The following ADGRV1 variants were observed in gnomAD, a reference collection of about 807,000 sequenced individuals.
ADGRV1 encodes adhesion G protein-coupled receptor V1.
Under a neutral mutation model 596.2 loss-of-function variants are expected in ADGRV1, and 359 were observed. The ratio of observed to expected loss-of-function variants is 0.60; its 90% CI spans 0.55 to 0.66. ADGRV1 has a LOEUF of 0.66. ADGRV1 is among the 30% of genes least tolerant of loss of function. The pLI is 0.00. For synonymous variants in ADGRV1, 2,681 were observed against 2,679.2 expected (o/e 1.00, Z -0.02); for missense variants, 7,274 against 7,575.6 (o/e 0.96, Z 1.48).
intron 58 of ADGRV1, chr5:90,759,810 C>T (rs964791508): frequency 2.1e-6 from 1 of 468,438 alleles, no homozygotes; most frequent in South Asian, 2.1e-5. Flanking sequence ...ACTGAAAGTA[C>T]AAAAATTAGC....
chr5:90,611,708 T>A (rs1762748237), intron 1 of ADGRV1, among the ~76,000 whole-genome samples: 1 of 152,002 alleles, frequency 6.6e-6, no homozygotes, highest in Non-Finnish European at 1.5e-5. Context: ...TGAAAAAATT[T>A]TGTTAAATCT....
At chr5:90,752,873 C>T (rs1047364468) in intron 53 of ADGRV1, among the ~76,000 whole-genome samples, 4 of 152,098 alleles carry the variant, frequency 2.6e-5, no homozygotes, top group Admixed American at 2.0e-4. Context: ...GGTGGAAAAA[C>T]GAATGTCAGC....
intron 83 of ADGRV1, among the ~76,000 whole-genome samples, chr5:90,963,537 A>G (rs1055621261): frequency 6.6e-6 from 1 of 151,992 alleles, no homozygotes; most frequent in East Asian, 1.9e-4. Flanking sequence ...ATAAATTTCT[A>G]TTTTCTGCTT....
chr5:90,824,048 T>G (rs960911167), intron 76 of ADGRV1, among the ~76,000 whole-genome samples: 5 of 152,220 alleles, frequency 3.3e-5, no homozygotes, highest in African/African-American at 1.2e-4. Context: ...ATTAATAAAA[T>G]ATTAAGTATA....
intron 1 of ADGRV1, among the ~76,000 whole-genome samples, chr5:90,596,663 G>A (rs1044213494): frequency 6.6e-5 from 10 of 152,126 alleles, no homozygotes; most frequent in South Asian, 2.1e-4. Flanking sequence ...GGCGGCGCGC[G>A]CCTGCAATTG....
chr5:90,561,304 T>G (rs546842279), intron 1 of ADGRV1, among the ~76,000 whole-genome samples: 1 of 152,272 alleles, frequency 6.6e-6, no homozygotes, highest in Non-Finnish European at 1.5e-5. Flanking sequence ...GGAGCCAAAC[T>G]AAACCAACCT....
chr5:91,102,958 A>G (rs557080612), intron 87 of ADGRV1, among the ~76,000 whole-genome samples: 44 of 152,370 alleles, frequency 2.9e-4, no homozygotes, highest in African/African-American at 1.0e-3. Context: ...AATGGAACAA[A>G]TGAACACATT....
intron 83 of ADGRV1, among the ~76,000 whole-genome samples, chr5:90,930,379 C>A (rs988456153): frequency 6.6e-6 from 1 of 152,074 alleles, no homozygotes; most frequent in African/African-American, 2.4e-5. Context: ...AAAAAAAATA[C>A]GTATTTTTAT....
intron 85 of ADGRV1, among the ~76,000 whole-genome samples, chr5:91,067,163 A>G (rs572524720): frequency 1.4e-5 from 1 of 69,138 alleles, no homozygotes; most frequent in Admixed American, 1.7e-4. Context: ...TTTTTTTTTG[A>G]GACGGAGTCT....
In ADGRV1 at chr5:91,153,410, C is replaced by T. The variant is rs760572246; in HGVS notation, c.18802+12C>T. On this transcript the variant is annotated intron_variant, in intron 89 of 89. Coordinates refer to ENST00000405460, the MANE Select transcript of ADGRV1 (RefSeq NM_032119.4). ...TGCATTAAAAACTGGTATGTATGAA[C>T]CCATGAACGACATTAGAAGTAGGCA... The T allele has an allele frequency of 5.1e-6, 8 of 1,556,490 alleles. No individual in the cohort carries two copies. The South Asian group carries it at 8.5e-5, about 16-fold the overall frequency.
rs770972847 is a variant in ADGRV1, at chr5:90,791,020, G to A, written c.14191G>A (p.Val4731Met). 1 of 1,613,874 alleles carries A rather than the reference G, an allele frequency of 6.2e-7. No homozygotes were observed. The highest frequency in any genetic ancestry group is 8.5e-7 in the Non-Finnish European group (1 of 1,179,852). The change falls in exon 70 of 90, where the codon GTG becomes ATG. Residue 4731 changes from valine (V) to methionine (M), a missense_variant. Coordinates refer to ENST00000405460, the MANE Select transcript of ADGRV1 (RefSeq NM_032119.4). ...DEVPEIEEDY[V>M]IQLVSVEGGA... ...GGTACCTGAGATAGAGGAAGATTAT[G>A]TGATCCAGCTTGTTTCTGTAGAGGG... is the stretch of plus-strand genomic sequence containing the variant.
chr5:90,833,360 C>T (rs1158776166), intron 77 of ADGRV1, among the ~76,000 whole-genome samples: 1 of 152,114 alleles, frequency 6.6e-6, no homozygotes, highest in Non-Finnish European at 1.5e-5. Context: ...TCATGGCTTA[C>T]TACAGCCTTG....
intron 1 of ADGRV1, among the ~76,000 whole-genome samples, chr5:90,602,107 A>G (rs1010287140): frequency 1.3e-5 from 2 of 152,212 alleles, no homozygotes; most frequent in African/African-American, 4.8e-5. Context: ...CCTGTATTCC[A>G]TTAATTCTTT....
chr5:91,054,102 T>TGTGAGAGAGAGAGA (rs1299621929), intron 85 of ADGRV1, among the ~76,000 whole-genome samples: 13 of 126,738 alleles, frequency 1.0e-4, no homozygotes, highest in African/African-American at 2.5e-4. Context: ...TGTGTGTGTG[T>TGTGAGAGAGAGAGA]GAGAGAGAGA....
At chr5:90,787,922 A>G in intron 67 of ADGRV1, 149 bp from the exon 68 acceptor site, 2 of 550,252 alleles carry the variant, frequency 3.6e-6, no homozygotes, top group East Asian at 6.2e-5. Context: ...AAAAAAAAAC[A>G]AGTTTATGAA....
intron 77 of ADGRV1, among the ~76,000 whole-genome samples, chr5:90,836,475 A>G (rs1764979316): frequency 6.6e-6 from 1 of 152,150 alleles, no homozygotes; most frequent in South Asian, 2.1e-4. Context: ...GCTGATACCA[A>G]AAGATTATGT....
chr5:90,922,146 C>T (rs1222218311), intron 83 of ADGRV1, among the ~76,000 whole-genome samples: 1 of 152,196 alleles, frequency 6.6e-6, no homozygotes, highest in East Asian at 1.9e-4. Context: ...CAGGGCCTTT[C>T]CTTCTTTACC....
chr5:91,152,296 A>G (rs1796126548), intron 88 of ADGRV1, among the ~76,000 whole-genome samples: 1 of 152,206 alleles, frequency 6.6e-6, no homozygotes, highest in East Asian at 1.9e-4. Context: ...GGATAGAGCT[A>G]TCTTTTTAAT....
chr5:90,750,125 A>T (rs1755077967), intron 52 of ADGRV1, among the ~76,000 whole-genome samples: 1 of 152,094 alleles, frequency 6.6e-6, no homozygotes, highest in Admixed American at 6.6e-5. Context: ...GGAAACAAAG[A>T]CCTAGTGGGA....
Sources: gnomAD v4.1 joint callset for allele counts (sites outside exome capture counted in the v4.1 genomes callset) on GRCh38, gnomAD v4.1.1 for gene constraint, MANE v1.5 for transcripts, NCBI Gene and HGNC (gene_info 2026-07-23, HGNC 2026-07-21) for gene names.